ZNF800: variants seen among roughly 807,000 people sequenced by gnomAD.
The protein encoded by ZNF800 is zinc finger protein 800.
ZNF800 carries 13 observed loss-of-function variants against 59.5 expected under a neutral mutation model. The observed-to-expected ratio is 0.22, with a 90% CI of 0.14 to 0.35. ZNF800 has a LOEUF of 0.35. ZNF800 is among the 10% of genes least tolerant of loss of function. The probability of loss-of-function intolerance (pLI) is 1.00; values close to 1 mark genes in which losing one functional copy is unlikely to be tolerated. For missense variants in ZNF800, 621 were observed against 783.7 expected, an observed-to-expected ratio of 0.79 and a Z score of 2.48; for synonymous variants, 266 against 265.7, an observed-to-expected ratio of 1.00 and a Z score of -0.01.
chr7:127,349,203 A>C (rs574647514), intron 1 of ZNF800, among the ~76,000 whole-genome samples: 1 of 152,346 alleles, frequency 6.6e-6, no homozygotes, highest in South Asian at 2.1e-4. Flanking sequence ...AATTCAATGA[A>C]TCTCTCTTTA....
At chr7:127,369,058 TG>T (rs1161185778), downstream of ZNF800, among the ~76,000 whole-genome samples, 2 of 150,146 alleles carry the variant, frequency 1.3e-5, no homozygotes, top group African/African-American at 4.9e-5. Context: ...AAGAAATGGT[TG>T]TTGTGTATTC....
intron 4 of ZNF800, among the ~76,000 whole-genome samples, chr7:127,376,739 C>G (rs1204975349): frequency 6.6e-6 from 1 of 151,900 alleles, no homozygotes; most frequent in East Asian, 1.9e-4. Context: ...AACAAATTTA[C>G]CTCATTCTTT....
chr7:127,357,521 C>T (rs1391690971), intron 1 of ZNF800, among the ~76,000 whole-genome samples: 1 of 152,002 alleles, frequency 6.6e-6, no homozygotes, highest in African/African-American at 2.4e-5. Flanking sequence ...ATTAGGCACA[C>T]AGACATAGTA....
intron 1 of ZNF800, among the ~76,000 whole-genome samples, chr7:127,353,271 G>A (rs1039062146): frequency 6.6e-6 from 1 of 152,158 alleles, no homozygotes; most frequent in African/African-American, 2.4e-5. Flanking sequence ...ATCTCCATAG[G>A]AGAGAAACTT....
chr7:127,391,326 G>A (rs1801305796), intron 2 of ZNF800, among the ~76,000 whole-genome samples, 171 bp downstream of exon 2: 1 of 152,080 alleles, frequency 6.6e-6, no homozygotes, highest in Non-Finnish European at 1.5e-5. Flanking sequence ...ATCAAGCAGG[G>A]GAGACCTCTT....
At chr7:127,350,875 AT>A (rs1416796485) in intron 1 of ZNF800, among the ~76,000 whole-genome samples, 1 of 152,206 alleles carries the variant, frequency 6.6e-6, no homozygotes, top group South Asian at 2.1e-4. Flanking sequence ...CCAGAGTGCA[AT>A]TTTTCTTCTT....
chr7:127,373,024 T>C (rs746541811), intron 5 of ZNF800: 47 of 985,116 alleles, frequency 4.8e-5, no homozygotes, highest in Non-Finnish European at 5.1e-5. Flanking sequence ...AAGACTTCTA[T>C]TGTAAACATA....
intron 3 of ZNF800, among the ~76,000 whole-genome samples, chr7:127,379,838 CCCCCCA>C: frequency 5.0e-5 from 1 of 20,092 alleles, no homozygotes; most frequent in Non-Finnish European, 9.8e-5. Context: ...CCCTTGCCAC[CCCCCCA>C]CCCCCCCACC....
At position 127,371,845 on chromosome 7, in the gene ZNF800, T is replaced by C. The variant is rs951404985; in HGVS notation, c.*-31A>G. The C allele has an allele frequency of 1.2e-5, 9 of 759,300 alleles. No homozygotes were observed. In the East Asian group the frequency reaches 2.0e-4, roughly 17 times the overall value. 47.0% of individuals were successfully genotyped at this position (759,300 alleles called of 1,614,324 possible). On this transcript the variant is annotated intron_variant, in intron 5 of 5. Coordinates refer to ENST00000265827, the MANE Select transcript of ZNF800 (RefSeq NM_176814.5). ...GAGAAATGGGAATAAATGAACACTTTTGAGTTTACTAATAAAACCTAGTTT... is the reference window on the plus strand; with the variant it reads ...GAGAAATGGGAATAAATGAACACTTCTGAGTTTACTAATAAAACCTAGTTT...
At chr7:127,352,229 C>T (rs752653245) in intron 1 of ZNF800, among the ~76,000 whole-genome samples, 5 of 152,172 alleles carry the variant, frequency 3.3e-5, no homozygotes, top group South Asian at 2.1e-4. Flanking sequence ...AACAAGATGA[C>T]TTGGACTCAA....
At chr7:127,373,230 G>A in intron 5 of ZNF800, 112 bp downstream of exon 5, 2 of 1,492,216 alleles carry the variant, frequency 1.3e-6, no homozygotes, top group Non-Finnish European at 1.8e-6. Flanking sequence ...ATTGCCATGA[G>A]ATATATGGAA....
chr7:127,386,973 G>GTTA (rs1801153546), intron 2 of ZNF800, among the ~76,000 whole-genome samples: 1 of 151,892 alleles, frequency 6.6e-6, no homozygotes, highest in African/African-American at 2.4e-5. Flanking sequence ...TGGATTTTCA[G>GTTA]GGATGTTTGC....
intron 1 of ZNF800, among the ~76,000 whole-genome samples, chr7:127,350,825 C>A (rs1303646170): frequency 3.3e-5 from 5 of 152,192 alleles, no homozygotes; most frequent in Non-Finnish European, 7.3e-5. Flanking sequence ...AGCAGGAAAA[C>A]CATGCTGTGT....
intron 3 of ZNF800, among the ~76,000 whole-genome samples, chr7:127,380,686 T>C (rs1800951712): frequency 1.3e-5 from 2 of 152,236 alleles, no homozygotes; most frequent in Non-Finnish European, 2.9e-5. Context: ...ACAGACATGG[T>C]CATCCAGACA....
intron 3 of ZNF800, among the ~76,000 whole-genome samples, chr7:127,383,610 C>T (rs1801038450): frequency 6.6e-6 from 1 of 152,094 alleles, no homozygotes; most frequent in Admixed American, 6.5e-5. Context: ...TACCATTCTC[C>T]CAAGGTTTTA....
At chr7:127,389,202 G>A (rs570233984) in intron 2 of ZNF800, among the ~76,000 whole-genome samples, 32 of 152,136 alleles carry the variant, frequency 2.1e-4, no homozygotes, top group Non-Finnish European at 3.4e-4. Flanking sequence ...GAGGAGGGGA[G>A]GAGAGAATAT....
chr7:127,383,511 G>A (rs1387438149), intron 3 of ZNF800, among the ~76,000 whole-genome samples: 2 of 152,156 alleles, frequency 1.3e-5, no homozygotes, highest in Admixed American at 1.3e-4. Flanking sequence ...GTCATTGAGG[G>A]TGTGCTTAGG....
chr7:127,373,967 T>C lies in ZNF800; in HGVS notation c.1369A>G (p.Ser457Gly). The C allele has an allele frequency of 6.2e-7, 1 of 1,614,012 alleles. No homozygotes were observed. Among genetic ancestry groups the C allele is most frequent in the South Asian group, 1.1e-5 (1 of 91,082 alleles). The change falls in exon 5 of 6, where the codon AGC (serine) becomes GGC (glycine). Residue 457 changes from serine (S) to glycine (G), a missense_variant. Around this residue, in one of 7 missense-constraint regions of ZNF800, gnomAD observed 185 missense variants for 177.6 expected, o/e 1.04. Transcript: ENST00000265827. ...QKNKVKQDSE[S>G]PKSTSPSAAG... ...GCCGACGGACTAGTTGATTTAGGGC[T>C]TTCAGAGTCTTGTTTAACTTTATTT...
At chr7:127,352,035 C>A (rs1408016668) in intron 1 of ZNF800, among the ~76,000 whole-genome samples, 1 of 152,118 alleles carries the variant, frequency 6.6e-6, no homozygotes. Flanking sequence ...AAAGTTAAAA[C>A]AATAGCAAGA....
Sources: gnomAD v4.1 joint callset for allele counts (sites outside exome capture counted in the v4.1 genomes callset) on GRCh38, gnomAD v4.1.1 for gene constraint, gnomAD v4.1.1 regional missense constraint, MANE v1.5 for transcripts, NCBI Gene and HGNC (gene_info 2026-07-23, HGNC 2026-07-21) for gene names.